Variants in PDE11A observed in about 807,000 individuals in gnomAD.
PDE11A encodes the protein phosphodiesterase 11A.
PDE11A carries 100 observed loss-of-function variants against 100.5 expected under a neutral mutation model. The observed-to-expected ratio is 1.00, with a 90% CI of 0.85 to 1.18. PDE11A has a LOEUF of 1.18. Among genes scored for constraint, PDE11A ranks in the 50% most tolerant of loss-of-function variants. The pLI is 0.00. For missense variants in PDE11A, 1,141 were observed against 1,152.6 expected, an observed-to-expected ratio of 0.99 and a Z score of 0.15; for synonymous variants, 381 against 420.8, an observed-to-expected ratio of 0.91 and a Z score of 1.16.
At chr2:177,905,551 T>C (rs969296021) in intron 2 of PDE11A, among the ~76,000 whole-genome samples, 1 of 152,230 alleles carries the variant, frequency 6.6e-6, no homozygotes, top group Admixed American at 6.5e-5. Flanking sequence ...ATTTAAGGCA[T>C]GTGCCCATAC....
chr2:177,880,385 T>C (rs2084310847), intron 4 of PDE11A, among the ~76,000 whole-genome samples: 1 of 152,152 alleles, frequency 6.6e-6, no homozygotes, highest in East Asian at 1.9e-4. Context: ...ATAAAGACTC[T>C]AGACACTAAG....
At chr2:177,666,132 G>A (rs957029241) in intron 18 of PDE11A, among the ~76,000 whole-genome samples, 4 of 152,070 alleles carry the variant, frequency 2.6e-5, no homozygotes, top group African/African-American at 9.7e-5. Flanking sequence ...CTCTATCTAT[G>A]GATTTGCTTA....
chr2:177,732,588 T>C (rs2081708964), intron 10 of PDE11A, among the ~76,000 whole-genome samples: 1 of 152,246 alleles, frequency 6.6e-6, no homozygotes, highest in Non-Finnish European at 1.5e-5. Context: ...GATACCATTA[T>C]AAATCCTCTA....
chr2:177,924,411 A>T (rs1474135683), intron 2 of PDE11A, among the ~76,000 whole-genome samples: 1 of 152,146 alleles, frequency 6.6e-6, no homozygotes, highest in Admixed American at 6.6e-5. Context: ...TTTCCTTACG[A>T]ATATCTCTGG....
At chr2:177,970,591 C>T (rs1191501982) in intron 2 of PDE11A, among the ~76,000 whole-genome samples, 1 of 151,884 alleles carries the variant, frequency 6.6e-6, no homozygotes, top group Non-Finnish European at 1.5e-5. Context: ...ATTTGAGAAG[C>T]AAGCAGAAGA....
intron 15 of PDE11A, among the ~76,000 whole-genome samples, chr2:177,695,858 G>A (rs1339785589): frequency 6.6e-6 from 1 of 152,136 alleles, no homozygotes; most frequent in Non-Finnish European, 1.5e-5. Context: ...ATGCCACAGT[G>A]CTTTTCAAAG....
In PDE11A at chr2:177,970,416, T is replaced by A. The variant is rs115051531; in HGVS notation, c.1071+43886A>T. ...TCGATAGACTTTGACTATATCTAAT[T>A]AGTTAGATATAGACATGAGATTAGA... On this transcript the variant is annotated intron_variant, in intron 2 of 19. Transcript: ENST00000286063. Among the ~76,000 whole-genome samples, 986 of 152,072 alleles carry A rather than the reference T, an allele frequency of 6.5e-3. 9 individuals are homozygous for A. Among genetic ancestry groups the A allele is most frequent in the African/African-American group, 0.022 (920 of 41,484 alleles).
chr2:177,739,236 T>C (rs1341825484), intron 10 of PDE11A, among the ~76,000 whole-genome samples: 1 of 152,142 alleles, frequency 6.6e-6, no homozygotes, highest in Non-Finnish European at 1.5e-5. Flanking sequence ...TGAGTGCCAA[T>C]GGTCCTGTTA....
rs1363872415 is a variant in PDE11A at position 177,638,006 on chromosome 2, T to A, written c.2647-8444A>T. On this transcript the variant is annotated intron_variant, in intron 19 of 19. Coordinates refer to ENST00000286063, the MANE Select transcript of PDE11A (RefSeq NM_016953.4). Reference sequence around the variant, plus strand: ...ATATATATATATATATATTTTTTTTTTTTTTTTTTTTGAGATGGAGTCTCG... The same window carrying A: ...ATATATATATATATATATTTTTTTTATTTTTTTTTTTGAGATGGAGTCTCG... Among the ~76,000 whole-genome samples the A allele has an allele frequency of 9.7e-3, 1,332 of 136,854 alleles. 48 individuals are homozygous for A. The highest frequency in any genetic ancestry group is 0.034 in the African/African-American group (1,232 of 36,604). The allele number at this position is 136,854 out of a possible 152,430, so 89.8% of individuals were successfully genotyped here. A position where few individuals can be genotyped will look rare whatever the true frequency, so the allele number is the denominator to read the frequency against.
chr2:177,628,125 G>A lies in PDE11A; in HGVS notation c.*1282C>T, dbSNP rs1447126107. 6.6e-6 allele frequency: 1 copy of A among 152,600 alleles called. No individual in the cohort carries two copies. The highest frequency in any genetic ancestry group is 1.5e-5 in the Non-Finnish European group (1 of 68,042). The allele number at this position is 152,600 out of a possible 1,614,324, so 9.5% of individuals were successfully genotyped here. A position where few individuals can be genotyped will look rare whatever the true frequency, so the allele number is the denominator to read the frequency against. On this transcript the variant is annotated 3_prime_UTR_variant, in exon 20 of 20. Coordinates refer to ENST00000286063, the MANE Select transcript of PDE11A (RefSeq NM_016953.4). ...GAAAGATTTATTTGAACAAAGAGTT[G>A]TAAGGTTAAAACATGTTCGAGAATC... is the stretch of plus-strand genomic sequence containing the variant.
chr2:177,842,699 G>C (rs950421097), intron 5 of PDE11A, among the ~76,000 whole-genome samples: 24 of 152,230 alleles, frequency 1.6e-4, no homozygotes, highest in African/African-American at 5.8e-4. Flanking sequence ...GGAGGTGATG[G>C]TGCTGGTGAC....
chr2:177,688,798 A>G (rs1272770774), intron 15 of PDE11A, among the ~76,000 whole-genome samples: 1 of 152,254 alleles, frequency 6.6e-6, no homozygotes, highest in African/African-American at 2.4e-5. Flanking sequence ...TTCAAAAATA[A>G]TTCTAAAGAT....
rs2079860644 is a variant in PDE11A, at chr2:177,627,896, T to G, written c.*1511A>C. Reference sequence around the variant, plus strand: ...AAAAACAATAACAAGAAAAATGGTTTGTAAATTTCAGATTTTTTTAAGAGC... The same window carrying G: ...AAAAACAATAACAAGAAAAATGGTTGGTAAATTTCAGATTTTTTTAAGAGC... On this transcript the variant is annotated 3_prime_UTR_variant, in exon 20 of 20. Transcript: ENST00000286063. 6.6e-6 allele frequency: 1 copy of G among 152,154 alleles called. No homozygotes were observed. The highest frequency in any genetic ancestry group is 1.5e-5 in the Non-Finnish European group (1 of 68,032). The allele number at this position is 152,154 out of a possible 1,614,324, so 9.4% of individuals were successfully genotyped here.
chr2:177,995,646 A>ACCCCCCCCC (rs3067378), intron 2 of PDE11A, among the ~76,000 whole-genome samples: 6 of 147,688 alleles, frequency 4.1e-5, no homozygotes, highest in South Asian at 2.2e-4. Flanking sequence ...CACAAACACC[A>ACCCCCCCCC]CCCACCCCGC....
intron 4 of PDE11A, among the ~76,000 whole-genome samples, chr2:177,882,754 A>T (rs1484711023): frequency 6.6e-6 from 1 of 152,194 alleles, no homozygotes; most frequent in Admixed American, 6.5e-5. Context: ...GAAAAGCTCC[A>T]TGGACAGAAG....
At chr2:177,766,590 A>G (rs1160519117) in intron 10 of PDE11A, among the ~76,000 whole-genome samples, 1 of 152,224 alleles carries the variant, frequency 6.6e-6, no homozygotes, top group Non-Finnish European at 1.5e-5. Flanking sequence ...ACTATTATTT[A>G]GCTACAATGT....
At chr2:177,842,098 A>G (rs541659588) in intron 5 of PDE11A, among the ~76,000 whole-genome samples, 3 of 152,234 alleles carry the variant, frequency 2.0e-5, no homozygotes, top group Non-Finnish European at 2.9e-5. Flanking sequence ...TCAGGGATTA[A>G]TTGGCTTGCC....
chr2:177,826,242 A>G (rs1047788199), intron 6 of PDE11A, among the ~76,000 whole-genome samples: 2 of 152,214 alleles, frequency 1.3e-5, no homozygotes, highest in Admixed American at 1.3e-4. Flanking sequence ...CTAATTAAAG[A>G]TGGTTTAGCT....
rs147390004 is a variant in PDE11A at position 178,080,765 on chromosome 2, T to C, written c.162+23537A>G. ...GTCTCATCTGTTATTTATGGCTTGATTCAAAGATGAAATATTACTCCCAAG... is the reference window on the plus strand; with the variant it reads ...GTCTCATCTGTTATTTATGGCTTGACTCAAAGATGAAATATTACTCCCAAG... On this transcript the variant is annotated intron_variant, in intron 2 of 20. Transcript: ENST00000358450. Among the ~76,000 whole-genome samples, 253 of 152,218 alleles carry C rather than the reference T, an allele frequency of 1.7e-3. 1 individual carries two copies. The East Asian group carries it at 0.019, about 12-fold the overall frequency.
Sources: allele counts gnomAD v4.1 joint callset (sites outside exome capture counted in the v4.1 genomes callset), GRCh38; gene constraint gnomAD v4.1.1; transcripts MANE v1.5; gene names NCBI Gene and HGNC (gene_info 2026-07-23, HGNC 2026-07-21).